Variants in PYGB observed in about 807,000 individuals in gnomAD.
PYGB encodes the protein glycogen phosphorylase, brain form.
In PYGB, 82 loss-of-function variants were observed where a neutral mutation model predicts 94.3. The ratio of observed to expected loss-of-function variants is 0.87; its 90% CI spans 0.73 to 1.04. The LOEUF (loss-of-function observed/expected upper bound fraction) is 1.04. PYGB is among the 50% of genes least tolerant of loss of function. PYGB has a pLI of 0.00. For missense variants in PYGB, 1,132 were observed against 1,158.2 expected, an observed-to-expected ratio of 0.98 and a Z score of 0.33; for synonymous variants, 488 against 479.1, an observed-to-expected ratio of 1.02 and a Z score of -0.24.
chr20:25,274,836 G>T, intron 5 of PYGB, 113 bp downstream of exon 5: 1 of 1,455,170 alleles, frequency 6.9e-7, no homozygotes. Context: ...TGCCTCCCTG[G>T]AGGACTTAAG....
At chr20:25,254,553 G>A (rs1378969133) in intron 1 of PYGB, among the ~76,000 whole-genome samples, 1 of 152,208 alleles carries the variant, frequency 6.6e-6, no homozygotes, top group Admixed American at 6.5e-5. Context: ...TCGGTTAACA[G>A]TGTCTTCAAC....
chr20:25,292,064 G>A (rs922907769), intron 16 of PYGB, among the ~76,000 whole-genome samples: 1 of 152,190 alleles, frequency 6.6e-6, no homozygotes, highest in Non-Finnish European at 1.5e-5. Flanking sequence ...GTGATCCAGG[G>A]AACGACATTG....
At chr20:25,271,888 A>G (rs931406579) in intron 4 of PYGB, among the ~76,000 whole-genome samples, 2 of 152,216 alleles carry the variant, frequency 1.3e-5, no homozygotes, top group Non-Finnish European at 2.9e-5. Flanking sequence ...TGTTGGCCCT[A>G]AGTAGTTAGA....
intron 13 of PYGB, 23 bp downstream of exon 13, chr20:25,283,300 C>G (rs1385585247): frequency 1.9e-6 from 3 of 1,594,070 alleles, no homozygotes; most frequent in South Asian, 2.2e-5. Context: ...CTGGCCCCAG[C>G]CCCGACCCCA....
At chr20:25,283,646 G>T (rs2088389787) in intron 13 of PYGB, among the ~76,000 whole-genome samples, 1 of 152,244 alleles carries the variant, frequency 6.6e-6, no homozygotes, top group African/African-American at 2.4e-5. Context: ...TGCACGAGCT[G>T]TCTGCACCGG....
chr20:25,280,554 T>TC, intron 10 of PYGB, 142 bp downstream of exon 10: 1 of 1,219,714 alleles, frequency 8.2e-7, no homozygotes, highest in Non-Finnish European at 1.1e-6. Context: ...CTGGGGGCTG[T>TC]CCCTTGGCAG....
chr20:25,276,022 C>T (rs545829509), intron 5 of PYGB, among the ~76,000 whole-genome samples: 1 of 152,174 alleles, frequency 6.6e-6, no homozygotes, highest in Non-Finnish European at 1.5e-5. Context: ...GCTTTGTGAG[C>T]CCCCTCCTGC....
intron 11 of PYGB, 50 bp downstream of exon 11, chr20:25,281,162 C>T (rs1277971311): frequency 5.6e-6 from 9 of 1,602,678 alleles, no homozygotes; most frequent in Non-Finnish European, 7.7e-6. Flanking sequence ...GACACCCAGG[C>T]CTGCGTCTAG....
rs909663160 is a variant in PYGB at position 25,273,417 on chromosome 20, C to T, written c.529-1175C>T. Among the ~76,000 whole-genome samples, 7 of 152,148 alleles carry T rather than the reference C, an allele frequency of 4.6e-5. No individual in the cohort carries two copies. In the East Asian group the frequency reaches 1.2e-3, roughly 25 times the overall value. ...AGAGCACAGCCCAGACAGTCTTGCT[C>T]GTGACTCTTGGCGTCTGTGTAGGAA... On this transcript the variant is annotated intron_variant, in intron 4 of 19. Transcript: ENST00000216962.
At chr20:25,259,956 C>T (rs530314139) in intron 2 of PYGB, among the ~76,000 whole-genome samples, 1 of 152,260 alleles carries the variant, frequency 6.6e-6, no homozygotes, top group East Asian at 1.9e-4. Context: ...AGATGGGTGC[C>T]TTCATGGTGG....
chr20:25,290,451 G>A (rs760342419), intron 15 of PYGB, 30 bp from the exon 16 acceptor site: 30 of 1,592,816 alleles, frequency 1.9e-5, no homozygotes, highest in Middle Eastern at 1.7e-4. Flanking sequence ...AGGCATTTTT[G>A]TGCTAAAAAC....
intron 1 of PYGB, 112 bp from the exon 2 acceptor site, chr20:25,259,125 A>G: frequency 1.0e-6 from 1 of 957,726 alleles, no homozygotes; most frequent in Non-Finnish European, 1.6e-6. Flanking sequence ...CATGGGGTTG[A>G]CATAAATGAA....
intron 1 of PYGB, among the ~76,000 whole-genome samples, chr20:25,252,778 G>A (rs997143871): frequency 1.3e-5 from 2 of 152,190 alleles, no homozygotes; most frequent in Non-Finnish European, 2.9e-5. Context: ...CTTCAGTTGG[G>A]GATTTTATGG....
chr20:25,274,843 T>TA, intron 5 of PYGB, 120 bp downstream of exon 5: 3 of 1,425,650 alleles, frequency 2.1e-6, no homozygotes, highest in Non-Finnish European at 2.8e-6. Flanking sequence ...CTGGAGGACT[T>TA]AAGGTAAAAG....
rs200941639 is a variant in PYGB at position 25,259,371 on chromosome 20, C to T, written c.345+33C>T. 9.2e-6 allele frequency: 14 copies of T among 1,520,452 alleles called. No individual in the cohort carries two copies. In the Admixed American group the frequency reaches 2.0e-4, roughly 22 times the overall value. The allele number at this position is 1,520,452 out of a possible 1,614,324, so 94.2% of individuals were successfully genotyped here. A position where few individuals can be genotyped will look rare whatever the true frequency, so the allele number is the denominator to read the frequency against. ...GCCTCATGGCCGGGCTTCTGGGTGG[C>T]CCCTCGTGGTGCTTTGAGGTCTGAA... On this transcript the variant is annotated intron_variant, in intron 2 of 19. Coordinates refer to ENST00000216962, the MANE Select transcript of PYGB (RefSeq NM_002862.4).
chr20:25,284,273 A>T, intron 14 of PYGB, 22 bp downstream of exon 14: 1 of 1,607,268 alleles, frequency 6.2e-7, no homozygotes, highest in South Asian at 1.1e-5. Flanking sequence ...CATCACCTGC[A>T]TGACCGCGCT....
chr20:25,260,868 G>T (rs1045136672), intron 2 of PYGB, among the ~76,000 whole-genome samples: 1 of 152,216 alleles, frequency 6.6e-6, no homozygotes, highest in Admixed American at 6.5e-5. Context: ...CGCCCACGGA[G>T]CCTCACTCAT....
At chr20:25,253,122 G>A (rs2092892943) in intron 1 of PYGB, among the ~76,000 whole-genome samples, 1 of 152,252 alleles carries the variant, frequency 6.6e-6, no homozygotes, top group Admixed American at 6.5e-5. Flanking sequence ...TTACATCACA[G>A]TTTCACAGCC....
In PYGB at chr20:25,249,010, G is replaced by A. The variant is rs73341124; in HGVS notation, c.243+589G>A. ...CCTCGAAGAAGGCTCTGTCTTAGAG[G>A]TTCCCACACCTCCCTTGGAGAAATT... On this transcript the variant is annotated intron_variant, in intron 1 of 19. Transcript: ENST00000216962. 6.6e-3 allele frequency among the ~76,000 whole-genome samples: 1,009 copies of A among 152,302 alleles called. 16 individuals are homozygous for A. The highest frequency in any genetic ancestry group is 0.023 in the African/African-American group (965 of 41,568).
Sources: allele counts gnomAD v4.1 joint callset (sites outside exome capture counted in the v4.1 genomes callset), GRCh38; gene constraint gnomAD v4.1.1; transcripts MANE v1.5; gene names NCBI Gene and HGNC (gene_info 2026-07-23, HGNC 2026-07-21).